The following STIM1 variants were observed in gnomAD, a reference collection of about 807,000 sequenced individuals.
STIM1 encodes stromal interaction molecule 1.
A neutral mutation model predicts 74.7 loss-of-function variants in STIM1; 25 were observed. The ratio of observed to expected loss-of-function variants is 0.33; its 90% CI spans 0.24 to 0.47. The LOEUF (loss-of-function observed/expected upper bound fraction) is 0.47, where lower values mean the gene tolerates loss of function less well. Among genes scored for constraint, STIM1 ranks in the 20% least tolerant of loss-of-function variants. STIM1 has a pLI of 1.00. For synonymous variants in STIM1, 328 were observed against 348.8 expected (o/e 0.94, Z 0.66); for missense variants, 728 against 920.8 (o/e 0.79, Z 2.71).
At chr11:3,929,014 C>T (rs1385438188) in intron 1 of STIM1, among the ~76,000 whole-genome samples, 1 of 152,152 alleles carries the variant, frequency 6.6e-6, no homozygotes, top group Non-Finnish European at 1.5e-5. Flanking sequence ...GCTGGGATTA[C>T]AGGTGCGTGC....
At chr11:3,878,998 C>G (rs2091402311) in intron 1 of STIM1, among the ~76,000 whole-genome samples, 1 of 152,164 alleles carries the variant, frequency 6.6e-6, no homozygotes, top group Non-Finnish European at 1.5e-5. Flanking sequence ...CCCTGTCACC[C>G]AGGCTGGAGT....
At chr11:3,909,482 C>A (rs1360325955) in intron 1 of STIM1, among the ~76,000 whole-genome samples, 1 of 152,092 alleles carries the variant, frequency 6.6e-6, no homozygotes, top group East Asian at 1.9e-4. Flanking sequence ...TTCAGTAAGG[C>A]TATTCTCAGT....
At chr11:3,891,106 A>G (rs2091880994) in intron 1 of STIM1, among the ~76,000 whole-genome samples, 1 of 152,208 alleles carries the variant, frequency 6.6e-6, no homozygotes, top group South Asian at 2.1e-4. Flanking sequence ...GTACAATTAC[A>G]TATTTATTTA....
chr11:4,072,381 T>C (rs1333582087), intron 6 of STIM1, among the ~76,000 whole-genome samples: 1 of 152,224 alleles, frequency 6.6e-6, no homozygotes, highest in East Asian at 1.9e-4. Context: ...AATATAATTC[T>C]ACATATACAG....
upstream of STIM1, chr11:3,855,624 C>CGCCCGCCCCGG (rs2090333795): frequency 2.1e-5 from 3 of 145,372 alleles, no homozygotes; most frequent in Admixed American, 6.8e-5. Context: ...CGCACGCCCC[C>CGCCCGCCCCGG]GCCCGCCCCG....
intron 1 of STIM1, among the ~76,000 whole-genome samples, chr11:3,872,225 G>C (rs535942099): frequency 6.6e-6 from 1 of 151,728 alleles, no homozygotes; most frequent in Admixed American, 6.6e-5. Context: ...GCTAAGTTTT[G>C]TATTTTTAGT....
intron 3 of STIM1, among the ~76,000 whole-genome samples, chr11:4,027,374 C>T (rs2094006164): frequency 6.6e-6 from 1 of 151,932 alleles, no homozygotes; most frequent in South Asian, 2.1e-4. Flanking sequence ...TGCAGTGGCG[C>T]AATCTCAGCT....
intron 1 of STIM1, among the ~76,000 whole-genome samples, chr11:3,874,002 T>G (rs373477930): frequency 6.6e-6 from 1 of 152,312 alleles, no homozygotes; most frequent in Admixed American, 6.5e-5. Flanking sequence ...CTCACTACTT[T>G]CCTTGCACTA....
chr11:4,086,473 G>T lies in STIM1; in HGVS notation c.1568-4G>T. 20 of 1,613,798 alleles carry T rather than the reference G, an allele frequency of 1.2e-5. No homozygotes were observed. Among genetic ancestry groups the T allele is most frequent in the Non-Finnish European group, 1.6e-5 (19 of 1,179,946 alleles). ...TCCTGACACTTTCTTTATTCTCCTT[G>T]CAGCCCCTAGCCTGCAGAGCAGTGT... is the stretch of plus-strand genomic sequence containing the variant. On this transcript the variant is annotated splice_polypyrimidine_tract_variant and splice_region_variant and intron_variant, in intron 11 of 12. Transcript: ENST00000526596.
At chr11:3,925,002 A>T (rs1403847882) in intron 1 of STIM1, among the ~76,000 whole-genome samples, 2 of 152,192 alleles carry the variant, frequency 1.3e-5, no homozygotes, top group Non-Finnish European at 2.9e-5. Flanking sequence ...AAAATACCTC[A>T]TGCTCCATAA....
chr11:3,986,546 C>A (rs1183704087), intron 2 of STIM1, among the ~76,000 whole-genome samples: 1 of 151,868 alleles, frequency 6.6e-6, no homozygotes, highest in African/African-American at 2.4e-5. Flanking sequence ...CAGAGCTGGC[C>A]CTAATTCTGA....
intron 1 of STIM1, among the ~76,000 whole-genome samples, chr11:3,941,943 C>T (rs901058275): frequency 3.3e-5 from 5 of 151,872 alleles, no homozygotes; most frequent in Non-Finnish European, 5.9e-5. Context: ...CCTCTGCCTC[C>T]GAAAGTTCTG....
intron 1 of STIM1, among the ~76,000 whole-genome samples, chr11:3,885,897 G>GT (rs1460165874): frequency 2.0e-5 from 3 of 152,180 alleles, no homozygotes; most frequent in African/African-American, 7.2e-5. Context: ...CTCAGCCTCT[G>GT]TAAGTGTTGG....
chr11:3,905,222 G>C (rs554448797), intron 1 of STIM1, among the ~76,000 whole-genome samples: 46 of 152,250 alleles, frequency 3.0e-4, no homozygotes, highest in African/African-American at 1.1e-3. Flanking sequence ...GTGGAGGGGT[G>C]GGGACAGAAG....
At chr11:3,876,246 T>G (rs1440107992) in intron 1 of STIM1, among the ~76,000 whole-genome samples, 1 of 152,168 alleles carries the variant, frequency 6.6e-6, no homozygotes, top group African/African-American at 2.4e-5. Context: ...AAGCTTTTGG[T>G]TTAAGATATG....
intron 2 of STIM1, among the ~76,000 whole-genome samples, chr11:4,012,201 A>G (rs939915414): frequency 3.3e-5 from 5 of 152,194 alleles, no homozygotes; most frequent in Admixed American, 6.5e-5. Flanking sequence ...TGTCTTGGCT[A>G]TGCGGACTCT....
At chr11:3,907,145 C>T (rs1050048180) in intron 1 of STIM1, among the ~76,000 whole-genome samples, 27 of 152,096 alleles carry the variant, frequency 1.8e-4, no homozygotes, top group African/African-American at 6.5e-4. Context: ...ATCTCCAATA[C>T]CTTAAGAATA....
In STIM1 at chr11:4,003,581, A is replaced by G. The variant is rs1222514054; in HGVS notation, c.271-20292A>G. On this transcript the variant is annotated intron_variant, in intron 2 of 12. Coordinates refer to ENST00000526596, the MANE Select transcript of STIM1 (RefSeq NM_001382567.1). ...TCTCAATAAATTAGGTATTGATGGG[A>G]CGTATCTCAAAATAATAAGAGCTAT... Among the ~76,000 whole-genome samples the G allele has an allele frequency of 3.9e-5, 6 of 152,076 alleles. No homozygotes were observed. In the East Asian group the frequency reaches 1.2e-3, roughly 29 times the overall value.
chr11:3,895,683 C>CTTCTTTCTTTCTTTCT (rs1157478592), intron 1 of STIM1, among the ~76,000 whole-genome samples: 2 of 38,000 alleles, frequency 5.3e-5, no homozygotes, highest in East Asian at 8.9e-4. Flanking sequence ...TCCTTCCTTC[C>CTTCTTTCTTTCTTTCT]TTCTTTCTTT....
Sources: allele counts gnomAD v4.1 joint callset (sites outside exome capture counted in the v4.1 genomes callset), GRCh38; gene constraint gnomAD v4.1.1; transcripts MANE v1.5; gene names NCBI Gene and HGNC (gene_info 2026-07-23, HGNC 2026-07-21).